GRM7: variants seen among roughly 807,000 people sequenced by gnomAD.
GRM7 encodes glutamate metabotropic receptor 7, also known as metabotropic glutamate receptor 7.
GRM7 carries 35 observed loss-of-function variants against 84.5 expected under a neutral mutation model. That is an observed-to-expected ratio of 0.41 (90% CI 0.32 to 0.55). The LOEUF is 0.55. Ranked by LOEUF, GRM7 falls within the 20% of genes least tolerant of loss-of-function variation. The probability of loss-of-function intolerance (pLI) is 0.19; values close to 1 mark genes in which losing one functional copy is unlikely to be tolerated. For synonymous variants in GRM7, 487 were observed against 455.1 expected, an observed-to-expected ratio of 1.07 and a Z score of -0.89; for missense variants, 1,003 against 1,194.6, an observed-to-expected ratio of 0.84 and a Z score of 2.36.
At chr3:6,931,559 GC>G (rs546711458) in intron 1 of GRM7, among the ~76,000 whole-genome samples, 3 of 152,140 alleles carry the variant, frequency 2.0e-5, no homozygotes, top group Non-Finnish European at 4.4e-5. Context: ...CAGACTGGAT[GC>G]TTTGCTGAGG....
At chr3:7,218,812 A>G (rs898760627) in intron 2 of GRM7, among the ~76,000 whole-genome samples, 59 of 143,952 alleles carry the variant, frequency 4.1e-4, no homozygotes, top group African/African-American at 1.5e-3. Flanking sequence ...TGTGCATTAC[A>G]AATATATATA....
intron 8 of GRM7, among the ~76,000 whole-genome samples, chr3:7,617,906 G>A (rs1009273996): frequency 6.6e-6 from 1 of 152,056 alleles, no homozygotes; most frequent in African/African-American, 2.4e-5. Flanking sequence ...TGGAGGAAGG[G>A]GCTGCAAATG....
At chr3:7,597,031 CATT>C (rs1361586678) in intron 8 of GRM7, among the ~76,000 whole-genome samples, 2 of 152,026 alleles carry the variant, frequency 1.3e-5, no homozygotes, top group African/African-American at 4.8e-5. Context: ...TGTCTTAGGC[CATT>C]ATTATTCGGC....
At chr3:7,273,881 G>C (rs188242777) in intron 2 of GRM7, among the ~76,000 whole-genome samples, 1 of 151,756 alleles carries the variant, frequency 6.6e-6, no homozygotes, top group Non-Finnish European at 1.5e-5. Flanking sequence ...TTATATAGTT[G>C]GAGTAATAGC....
At chr3:7,495,066 T>C (rs1179985985) in intron 7 of GRM7, among the ~76,000 whole-genome samples, 1 of 152,218 alleles carries the variant, frequency 6.6e-6, no homozygotes, top group Non-Finnish European at 1.5e-5. Context: ...CTTATATATA[T>C]GTTTTATTTT....
At chr3:6,952,357 A>G (rs1018073708) in intron 1 of GRM7, among the ~76,000 whole-genome samples, 1 of 151,900 alleles carries the variant, frequency 6.6e-6, no homozygotes, top group African/African-American at 2.4e-5. Context: ...GTTTTTTCTG[A>G]TTTCTTTGCA....
Position 7,406,448 on chromosome 3 carries a change from C to T in GRM7, c.1034-8575C>T, listed in dbSNP as rs112265462. On this transcript the variant is annotated intron_variant, in intron 4 of 9. Transcript: ENST00000357716. ...CCGGGGGACGGAGCTTGCAGTGAGC[C>T]GAGATCACACCACTGCACTCCAGCC... Among the ~76,000 whole-genome samples, 559 of 151,270 alleles carry T rather than the reference C, an allele frequency of 3.7e-3. 4 individuals carry two copies. Among genetic ancestry groups the T allele is most frequent in the African/African-American group, 0.012 (493 of 41,132 alleles).
chr3:7,020,870 T>C (rs1436006328), intron 1 of GRM7, among the ~76,000 whole-genome samples: 3 of 152,186 alleles, frequency 2.0e-5, no homozygotes, highest in Admixed American at 1.3e-4. Context: ...GTTGACAGAA[T>C]GTAGTTATAA....
intron 4 of GRM7, among the ~76,000 whole-genome samples, chr3:7,367,276 C>T (rs112950521): frequency 5.7e-4 from 87 of 151,702 alleles, no homozygotes; most frequent in African/African-American, 2.1e-3. Flanking sequence ...TCTGTATGTA[C>T]GACACCATTG....
chr3:7,687,899 A>C (rs538213429), intron 9 of GRM7, among the ~76,000 whole-genome samples: 1 of 152,140 alleles, frequency 6.6e-6, no homozygotes, highest in African/African-American at 2.4e-5. Flanking sequence ...TATTGTTCAC[A>C]TAGTTATTTC....
At chr3:7,618,076 A>T (rs1015127869) in intron 8 of GRM7, among the ~76,000 whole-genome samples, 2 of 152,130 alleles carry the variant, frequency 1.3e-5, no homozygotes, top group Admixed American at 1.3e-4. Flanking sequence ...GATAAGAGCT[A>T]ACAAGGCTTA....
At chr3:6,935,278 T>G (rs563324799) in intron 1 of GRM7, among the ~76,000 whole-genome samples, 1 of 152,290 alleles carries the variant, frequency 6.6e-6, no homozygotes, top group East Asian at 1.9e-4. Context: ...TGTACTTATG[T>G]TCACTTTATG....
At chr3:7,278,510 T>C (rs1699149733) in intron 2 of GRM7, among the ~76,000 whole-genome samples, 1 of 152,154 alleles carries the variant, frequency 6.6e-6, no homozygotes, top group Admixed American at 6.5e-5. Context: ...TCCTTTCTTG[T>C]ACATTTTCTT....
At chr3:7,030,440 A>C (rs1371538546) in intron 1 of GRM7, among the ~76,000 whole-genome samples, 11 of 152,212 alleles carry the variant, frequency 7.2e-5, no homozygotes, top group Admixed American at 6.5e-4. Context: ...ATAAATCAAA[A>C]CTCACTGAAT....
chr3:7,377,708 C>T (rs1157982417), intron 4 of GRM7, among the ~76,000 whole-genome samples: 3 of 152,128 alleles, frequency 2.0e-5, no homozygotes, highest in African/African-American at 7.2e-5. Flanking sequence ...TGAACTAAAT[C>T]TATTAGTAAA....
chr3:7,674,740 G>A (rs1700060344), intron 8 of GRM7, among the ~76,000 whole-genome samples: 1 of 152,178 alleles, frequency 6.6e-6, no homozygotes, highest in South Asian at 2.1e-4. Context: ...TTCTGATGGC[G>A]GGAAGCATGC....
chr3:7,696,341 C>A (rs558376779), intron 9 of GRM7, among the ~76,000 whole-genome samples: 2 of 152,290 alleles, frequency 1.3e-5, no homozygotes, highest in Admixed American at 1.3e-4. Context: ...TTAATGCTTT[C>A]TATTCATTCA....
intron 4 of GRM7, among the ~76,000 whole-genome samples, chr3:7,307,012 C>T (rs566250509): frequency 1.3e-5 from 2 of 152,196 alleles, no homozygotes; most frequent in African/African-American, 4.8e-5. Flanking sequence ...CACTTTGTAA[C>T]GCATCCATTA....
intron 1 of GRM7, among the ~76,000 whole-genome samples, chr3:7,014,316 T>A (rs1322388742): frequency 6.6e-6 from 1 of 152,092 alleles, no homozygotes; most frequent in Non-Finnish European, 1.5e-5. Context: ...ATTAGTAATA[T>A]TTTATTTATT....
Sources: gnomAD v4.1 joint callset for allele counts (sites outside exome capture counted in the v4.1 genomes callset) on GRCh38, gnomAD v4.1.1 for gene constraint, MANE v1.5 for transcripts, NCBI Gene and HGNC (gene_info 2026-07-23, HGNC 2026-07-21) for gene names.